Variants in CBX3 observed in about 807,000 individuals in gnomAD.
CBX3 encodes the protein chromobox protein homolog 3.
In CBX3, 5 loss-of-function variants were observed where a neutral mutation model predicts 22.6. The ratio of observed to expected loss-of-function variants is 0.22; its 90% confidence interval spans 0.12 to 0.47. The LOEUF (loss-of-function observed/expected upper bound fraction) is 0.47, where lower values mean the gene tolerates loss of function less well. Among genes scored for constraint, CBX3 ranks in the 20% least tolerant of loss-of-function variants. The pLI, the probability that CBX3 is intolerant of heterozygous loss-of-function variation, is 0.99. For missense variants in CBX3, 83 were observed against 208.1 expected, an observed-to-expected ratio of 0.40 and a Z score of 3.70; for synonymous variants, 50 against 66.6, an observed-to-expected ratio of 0.75 and a Z score of 1.21.
chr7:26,207,948 C>T (rs1006516446), intron 3 of CBX3, among the ~76,000 whole-genome samples: 5 of 151,614 alleles, frequency 3.3e-5, no homozygotes, highest in Admixed American at 2.6e-4. Context: ...CAGTGGCTCA[C>T]ACCTGTAATT....
At chr7:26,202,430 G>C (rs1784535507) in intron 1 of CBX3, 1 of 152,508 alleles carries the variant, frequency 6.6e-6, no homozygotes, top group African/African-American at 2.4e-5. Context: ...TTCAGCGGCG[G>C]GGGTCGGGAG....
At chr7:26,201,725 C>T (rs1349415737), upstream of CBX3, 135 of 96,220 alleles carry the variant, frequency 1.4e-3, 4 homozygotes, top group Admixed American at 0.015. Context: ...GCCCCGCGCG[C>T]AGCTCCCGGC....
rs541141900 is a variant in CBX3 at position 26,212,280 on chromosome 7, G to A, written c.*72G>A. The A allele has an allele frequency of 8.7e-6, 8 of 922,992 alleles. No homozygotes were observed. The highest frequency in any genetic ancestry group is 4.5e-4 in the Middle Eastern group (1 of 2,208). 57.2% of individuals were successfully genotyped at this position (922,992 alleles called of 1,614,324 possible). On this transcript the variant is annotated 3_prime_UTR_variant, in exon 6 of 6. Coordinates refer to ENST00000396386, the MANE Select transcript of CBX3 (RefSeq NM_016587.4). Reference sequence around the variant, plus strand: ...TTGGGTCTTAGATTTTGATTTACTAGTGTGACAAAATAACTACATCCTAAT... The same window carrying A: ...TTGGGTCTTAGATTTTGATTTACTAATGTGACAAAATAACTACATCCTAAT...
chr7:26,212,115 G>C lies in CBX3; in HGVS notation c.459G>C (p.Ala153=), dbSNP rs556050161. The C allele has an allele frequency of 8.2e-6, 13 of 1,587,280 alleles. No individual in the cohort carries two copies. The South Asian group carries it at 1.5e-4, about 19-fold the overall frequency. Residue 153 remains alanine (A), a synonymous_variant, in exon 6 of 6, where the codon GCG becomes GCC. Coordinates refer to ENST00000396386, the MANE Select transcript of CBX3 (RefSeq NM_016587.4). ...CAGATGAGGCAGACTTGGTGCTGGC[G>C]AAAGAGGCAAATATGAAGTGTCCTC... is the stretch of plus-strand genomic sequence containing the variant. ...KDSDEADLVL[A]KEANMKCPQI... is the part of the protein sequence containing the mutation.
intron 4 of CBX3, among the ~76,000 whole-genome samples, chr7:26,208,917 CTTTTTTTTTTTTTTTT>C (rs59657982): frequency 2.8e-3 from 77 of 27,946 alleles, no homozygotes; most frequent in African/African-American, 0.01. Flanking sequence ...CACGCCTGGC[CTTTTTTTTTTTTTTTT>C]TTTTTTTTTT....
intron 2 of CBX3, 137 bp downstream of exon 2, chr7:26,203,159 A>G: frequency 1.5e-6 from 1 of 684,682 alleles, no homozygotes; most frequent in East Asian, 2.6e-5. Context: ...TACAGGGGAA[A>G]ATTAAGAGAA....
At chr7:26,201,557 GAACGGTAAGTGCCGCGGTC>G (rs2128134791), upstream of CBX3, 1 of 151,206 alleles carries the variant, frequency 6.6e-6, no homozygotes, top group African/African-American at 2.4e-5. Context: ...GCCACGCCGC[GAACGGTAAGTGCCGCGGTC>G]GTCGGCGCCT....
chr7:26,206,517 A>C lies in CBX3; in HGVS notation c.167+7A>C. ...AGTGGAAGGGATTTACAGAGTAAGA[A>C]ACTTTAGTGCATCTTTACTATATGT... On this transcript the variant is annotated splice_region_variant and intron_variant, in intron 3 of 5. Coordinates refer to ENST00000396386, the MANE Select transcript of CBX3 (RefSeq NM_016587.4). 1.3e-6 allele frequency: 2 copies of C among 1,504,398 alleles called. 1 individual carries two copies. Among genetic ancestry groups the C allele is most frequent in the South Asian group, 2.3e-5 (2 of 86,502 alleles). The allele number at this position is 1,504,398 out of a possible 1,614,324, so 93.2% of individuals were successfully genotyped here. A position where few individuals can be genotyped will look rare whatever the true frequency, so the allele number is the denominator to read the frequency against.
intron 2 of CBX3, 93 bp downstream of exon 2, chr7:26,203,115 C>A: frequency 1.3e-6 from 1 of 745,316 alleles, no homozygotes; most frequent in Non-Finnish European, 2.2e-6. Flanking sequence ...GAGAAATTTA[C>A]ATCCACATAT....
At chr7:26,209,597 A>G (rs1464586977) in intron 4 of CBX3, among the ~76,000 whole-genome samples, 1 of 152,098 alleles carries the variant, frequency 6.6e-6, no homozygotes, top group Non-Finnish European at 1.5e-5. Flanking sequence ...TTGATTTTGA[A>G]GTCTGTAATC....
At chr7:26,211,227 G>A (rs544726979) in intron 4 of CBX3, among the ~76,000 whole-genome samples, 3 of 152,156 alleles carry the variant, frequency 2.0e-5, no homozygotes, top group African/African-American at 7.2e-5. Context: ...ACAGATAGTT[G>A]GTATGAGTTT....
At position 26,212,533 on chromosome 7, in the gene CBX3, C is replaced by T. The variant is rs1160576355; in HGVS notation, c.*325C>T. 10 of 154,774 alleles carry T rather than the reference C, an allele frequency of 6.5e-5. No homozygotes were observed. Among genetic ancestry groups the T allele is most frequent in the Non-Finnish European group, 2.9e-5 (2 of 69,924 alleles). 9.6% of individuals were successfully genotyped at this position (154,774 alleles called of 1,614,324 possible). On this transcript the variant is annotated 3_prime_UTR_variant, in exon 6 of 6. Transcript: ENST00000396386. ...GTCCATAGTCATTACTCAGTCAAAACTTGTGTTCTCATGAGCCTAAGGACC... is the reference window on the plus strand; with the variant it reads ...GTCCATAGTCATTACTCAGTCAAAATTTGTGTTCTCATGAGCCTAAGGACC...
chr7:26,206,806 A>G (rs769303684), intron 3 of CBX3, among the ~76,000 whole-genome samples: 4 of 152,230 alleles, frequency 2.6e-5, no homozygotes, highest in Non-Finnish European at 4.4e-5. Context: ...TACACTAATT[A>G]GAATAATCTG....
At chr7:26,211,078 TAAAAAAAAAAA>T (rs74744309) in intron 4 of CBX3, among the ~76,000 whole-genome samples, 1 of 106,706 alleles carries the variant, frequency 9.4e-6, no homozygotes, top group Non-Finnish European at 2.0e-5. Flanking sequence ...GCTGATGAGC[TAAAAAAAAAAA>T]AAAAAAAAAT....
chr7:26,206,405 A>C lies in CBX3; in HGVS notation c.62A>C (p.Lys21Thr). The change falls in exon 3 of 6, where the codon AAA becomes ACA. Residue 21 changes from lysine to threonine, a missense_variant. Lys to Thr is a moderately conservative substitution (Grantham distance 78, BLOSUM62 -1). Coordinates refer to ENST00000396386, the MANE Select transcript of CBX3 (RefSeq NM_016587.4). The part of the protein sequence containing the change: ...MGKKQNGKSK[K>T]VEEAEPEEFV... ...AAAAAACAGAATGGAAAGAGTAAAAAAGTTGAAGAGGCAGAGCCTGAAGAA... is the reference window on the plus strand; with the variant it reads ...AAAAAACAGAATGGAAAGAGTAAAACAGTTGAAGAGGCAGAGCCTGAAGAA... 1 of 1,613,006 alleles carries C rather than the reference A, an allele frequency of 6.2e-7. No homozygotes were observed. Among genetic ancestry groups the C allele is most frequent in the Non-Finnish European group, 8.5e-7 (1 of 1,179,616 alleles).
intron 4 of CBX3, 91 bp from the exon 5 acceptor site, chr7:26,211,571 A>G (rs1156973477): frequency 4.2e-6 from 3 of 719,208 alleles, no homozygotes; most frequent in Non-Finnish European, 4.6e-6. Flanking sequence ...AGTCATTTCC[A>G]TCTCACTATT....
intron 1 of CBX3, 155 bp from the exon 2 acceptor site, chr7:26,202,816 A>G (rs1284017143): frequency 3.1e-6 from 2 of 650,296 alleles, no homozygotes; most frequent in Admixed American, 5.7e-5. Context: ...AGTACATCAT[A>G]AGCAATGTAG....
At position 26,213,130 on chromosome 7, in the gene CBX3, T is replaced by C. The variant is rs1283245763; in HGVS notation, c.*922T>C. 1 of 152,604 alleles carries C rather than the reference T, an allele frequency of 6.6e-6. No homozygotes were observed. Among genetic ancestry groups the C allele is most frequent in the African/African-American group, 2.4e-5 (1 of 41,480 alleles). The allele number at this position is 152,604 out of a possible 1,614,324, so 9.5% of individuals were successfully genotyped here. A position where few individuals can be genotyped will look rare whatever the true frequency, so the allele number is the denominator to read the frequency against. ...GTTGGCAGTTTAGGACCTGCTGTCA[T>C]AAATGTGTGAACAACCTTTTGTAAC... On this transcript the variant is annotated 3_prime_UTR_variant, in exon 6 of 6. Coordinates refer to ENST00000396386, the MANE Select transcript of CBX3 (RefSeq NM_016587.4).
At chr7:26,210,931 C>G (rs560675256) in intron 4 of CBX3, among the ~76,000 whole-genome samples, 1 of 152,080 alleles carries the variant, frequency 6.6e-6, no homozygotes, top group Non-Finnish European at 1.5e-5. Flanking sequence ...CCCAGTGAAT[C>G]CGTAGACCAC....
Sources: allele counts gnomAD v4.1 joint callset (sites outside exome capture counted in the v4.1 genomes callset), GRCh38; gene constraint gnomAD v4.1.1; transcripts MANE v1.5; gene names NCBI Gene and HGNC (gene_info 2026-07-23, HGNC 2026-07-21).